Variants in METTL16 observed in about 807,000 individuals in gnomAD.
METTL16 encodes the protein methyltransferase 16, RNA N6-adenosine.
A neutral mutation model predicts 57.9 loss-of-function variants in METTL16; 19 were observed. That is an observed-to-expected ratio of 0.33 (90% CI 0.23 to 0.48). METTL16 has a LOEUF of 0.48. Ranked by LOEUF, METTL16 falls within the 20% of genes least tolerant of loss-of-function variation. The probability of loss-of-function intolerance (pLI) is 0.99; values close to 1 mark genes in which losing one functional copy is unlikely to be tolerated. For synonymous variants in METTL16, 246 were observed against 255.6 expected (o/e 0.96, Z 0.36); for missense variants, 434 against 691.5 (o/e 0.63, Z 4.18).
At chr17:2,510,137 A>T (rs1453770051) in intron 1 of METTL16, among the ~76,000 whole-genome samples, 2 of 152,152 alleles carry the variant, frequency 1.3e-5, no homozygotes, top group Non-Finnish European at 2.9e-5. Flanking sequence ...AAAAAAGTAA[A>T]CTAAGAGTAA....
In METTL16 at chr17:2,419,005, G is replaced by C. The variant is rs1249562288; in HGVS notation, c.*965C>G. On this transcript the variant is annotated 3_prime_UTR_variant, in exon 10 of 10. Coordinates refer to ENST00000263092, the MANE Select transcript of METTL16 (RefSeq NM_024086.4). ...CAATGTGAGTAGGTAAGTACAGGGG[G>C]GATTACAAGTGAAGCCACAAAAAAA... is the stretch of plus-strand genomic sequence containing the variant. The C allele has an allele frequency of 1.3e-5, 2 of 153,034 alleles. No homozygotes were observed. The highest frequency in any genetic ancestry group is 6.5e-5 in the Admixed American group (1 of 15,358). The allele number at this position is 153,034 out of a possible 1,614,324, so 9.5% of individuals were successfully genotyped here.
intron 2 of METTL16, among the ~76,000 whole-genome samples, chr17:2,485,217 C>T (rs1395472034): frequency 6.6e-6 from 1 of 152,222 alleles, no homozygotes; most frequent in Non-Finnish European, 1.5e-5. Flanking sequence ...CTAGGTTGAG[C>T]ACTCCTTGAG....
intron 8 of METTL16, among the ~76,000 whole-genome samples, chr17:2,428,560 A>AT (rs2066839636): frequency 9.0e-5 from 4 of 44,256 alleles, no homozygotes; most frequent in African/African-American, 4.1e-4. Context: ...AAAAAAAAAA[A>AT]AAAAATATAT....
chr17:2,468,135 C>T (rs1023137556), intron 4 of METTL16, among the ~76,000 whole-genome samples: 1 of 152,248 alleles, frequency 6.6e-6, no homozygotes, highest in Non-Finnish European at 1.5e-5. Flanking sequence ...GGCTATTACA[C>T]ATAGGCCCAG....
intron 2 of METTL16, among the ~76,000 whole-genome samples, chr17:2,490,164 G>A (rs975585941): frequency 6.6e-6 from 1 of 152,104 alleles, no homozygotes; most frequent in Non-Finnish European, 1.5e-5. Flanking sequence ...ACGCAGGTGG[G>A]TAGATGCGTC....
intron 1 of METTL16, among the ~76,000 whole-genome samples, chr17:2,505,158 TTATATA>T (rs374204937): frequency 6.6e-6 from 1 of 151,106 alleles, no homozygotes; most frequent in Non-Finnish European, 1.5e-5. Context: ...TATTTTACTA[TTATATA>T]TATATATATC....
chr17:2,463,488 A>G (rs2067165597), intron 6 of METTL16, among the ~76,000 whole-genome samples: 3 of 151,996 alleles, frequency 2.0e-5, no homozygotes, highest in Admixed American at 1.3e-4. Context: ...TGGAGAAGGA[A>G]TCTTACTCTC....
At chr17:2,423,824 G>A (rs953185829) in intron 8 of METTL16, among the ~76,000 whole-genome samples, 1 of 152,320 alleles carries the variant, frequency 6.6e-6, no homozygotes, top group South Asian at 2.1e-4. Flanking sequence ...CAAAAGTAAG[G>A]ACGGGCTTCA....
intron 1 of METTL16, among the ~76,000 whole-genome samples, chr17:2,510,812 A>G (rs28581388): frequency 0.034 from 5,237 of 152,090 alleles, 187 homozygotes; most frequent in African/African-American, 0.093. Flanking sequence ...ACAGGTACAG[A>G]GCACTGCACC....
At chr17:2,506,559 A>G (rs1031259498) in intron 1 of METTL16, among the ~76,000 whole-genome samples, 4 of 151,118 alleles carry the variant, frequency 2.6e-5, no homozygotes, top group Admixed American at 1.3e-4. Context: ...AGGTGCCGGG[A>G]TGGCAGACGG....
intron 3 of METTL16, among the ~76,000 whole-genome samples, chr17:2,474,116 C>T (rs776446236): frequency 8.6e-5 from 13 of 151,920 alleles, no homozygotes; most frequent in East Asian, 1.9e-4. Flanking sequence ...AAGCAGAGGT[C>T]GAGGAATACA....
intron 8 of METTL16, among the ~76,000 whole-genome samples, chr17:2,428,939 A>G (rs1051156041): frequency 2.0e-5 from 3 of 151,902 alleles, no homozygotes; most frequent in African/African-American, 7.3e-5. Flanking sequence ...GCTCACCGCA[A>G]CCTCTGCCTC....
chr17:2,430,394 A>G (rs945396801), intron 8 of METTL16, among the ~76,000 whole-genome samples: 1 of 146,142 alleles, frequency 6.8e-6, no homozygotes, highest in African/African-American at 2.5e-5. Context: ...TTCTATTCAG[A>G]TATATTTTTA....
chr17:2,478,657 C>T (rs886798897), intron 2 of METTL16, among the ~76,000 whole-genome samples: 8 of 152,126 alleles, frequency 5.3e-5, no homozygotes, highest in Non-Finnish European at 7.3e-5. Context: ...TCATTTCCAA[C>T]GTTAGCCTGA....
At chr17:2,504,083 T>C (rs2067512107) in intron 1 of METTL16, among the ~76,000 whole-genome samples, 5 of 152,176 alleles carry the variant, frequency 3.3e-5, no homozygotes, top group African/African-American at 9.7e-5. Context: ...GGAAGAACCC[T>C]GAAAACACCA....
At chr17:2,507,998 G>T (rs138640192) in intron 1 of METTL16, among the ~76,000 whole-genome samples, 1 of 152,056 alleles carries the variant, frequency 6.6e-6, no homozygotes, top group Non-Finnish European at 1.5e-5. Flanking sequence ...GCGGAAGGCC[G>T]CAGGGTTCTC....
intron 6 of METTL16, among the ~76,000 whole-genome samples, chr17:2,461,576 CTTT>C (rs568432589): frequency 1.6e-5 from 2 of 123,950 alleles, no homozygotes; most frequent in African/African-American, 6.1e-5. Flanking sequence ...GTTCTCCTGT[CTTT>C]TTTTTTTTTT....
chr17:2,472,946 T>C (rs1303204953), intron 4 of METTL16, among the ~76,000 whole-genome samples: 1 of 152,036 alleles, frequency 6.6e-6, no homozygotes, highest in Non-Finnish European at 1.5e-5. Context: ...ATTCCAAAAC[T>C]ACAGAATGTA....
intron 7 of METTL16, among the ~76,000 whole-genome samples, chr17:2,440,628 A>G (rs1446271683): frequency 6.6e-6 from 1 of 152,184 alleles, no homozygotes; most frequent in African/African-American, 2.4e-5. Context: ...AGACTTGAAT[A>G]TAAGACCTGA....
Sources: gnomAD v4.1 joint callset for allele counts (sites outside exome capture counted in the v4.1 genomes callset) on GRCh38, gnomAD v4.1.1 for gene constraint, MANE v1.5 for transcripts, NCBI Gene and HGNC (gene_info 2026-07-23, HGNC 2026-07-21) for gene names.